Variants in EYS observed in about 807,000 individuals in gnomAD.
EYS encodes the protein EGF-like photoreceptor maintenance factor.
EYS carries 250 observed loss-of-function variants against 282.1 expected under a neutral mutation model. That is an observed-to-expected ratio of 0.89 (90% confidence interval 0.80 to 0.98). The LOEUF is 0.98. Ranked by LOEUF, EYS falls within the 50% of genes least tolerant of loss-of-function variation. EYS has a pLI of 0.00. For synonymous variants in EYS, 1,355 were observed against 1,282.9 expected (o/e 1.06, Z -1.20); for missense variants, 4,016 against 3,709.0 (o/e 1.08, Z -2.15).
intron 22 of EYS, among the ~76,000 whole-genome samples, chr6:64,812,633 A>G (rs1764632124): frequency 6.6e-6 from 1 of 152,068 alleles, no homozygotes; most frequent in Admixed American, 6.6e-5. Context: ...CTATATATCA[A>G]GATATACATG....
chr6:65,139,886 A>G (rs1347097974), intron 12 of EYS, among the ~76,000 whole-genome samples: 1 of 152,082 alleles, frequency 6.6e-6, no homozygotes, highest in Non-Finnish European at 1.5e-5. Context: ...ACCTGGAGCT[A>G]CTGACTCAGG....
chr6:64,608,055 AC>A (rs142866878), intron 24 of EYS, among the ~76,000 whole-genome samples: 15,031 of 152,160 alleles, frequency 0.099, 915 homozygotes, highest in Non-Finnish European at 0.13. Flanking sequence ...ATTTTAAATC[AC>A]TCTAAATATT....
chr6:64,764,049 GC>G (rs1252298012), intron 22 of EYS, among the ~76,000 whole-genome samples: 1 of 152,176 alleles, frequency 6.6e-6, no homozygotes, highest in African/African-American at 2.4e-5. Context: ...AGGGCCGGAG[GC>G]TTTTCCAGGC....
chr6:64,938,429 C>A (rs1266011825), intron 15 of EYS, among the ~76,000 whole-genome samples: 2 of 151,522 alleles, frequency 1.3e-5, no homozygotes, highest in Non-Finnish European at 3.0e-5. Context: ...TGTTGTTAAT[C>A]TCTTAATGTG....
intron 26 of EYS, among the ~76,000 whole-genome samples, chr6:64,556,919 T>C (rs1436771455): frequency 6.6e-6 from 1 of 151,870 alleles, no homozygotes; most frequent in African/African-American, 2.4e-5. Context: ...TCAATATGAC[T>C]GTTAACAAAG....
intron 12 of EYS, among the ~76,000 whole-genome samples, chr6:65,219,631 A>AAATG (rs1766408623): frequency 6.6e-6 from 1 of 152,146 alleles, no homozygotes; most frequent in African/African-American, 2.4e-5. Context: ...AATTCCAGTG[A>AAATG]AATGAAATAG....
intron 34 of EYS, among the ~76,000 whole-genome samples, chr6:63,990,969 T>G (rs1767578637): frequency 1.3e-5 from 2 of 151,650 alleles, no homozygotes; most frequent in South Asian, 4.2e-4. Context: ...TACAAGAGAC[T>G]AATATCTATC....
At chr6:64,836,480 G>A (rs574854755) in intron 19 of EYS, among the ~76,000 whole-genome samples, 29 of 151,244 alleles carry the variant, frequency 1.9e-4, no homozygotes, top group Non-Finnish European at 4.0e-4. Context: ...ATTTATGCAG[G>A]GAAATATTTT....
intron 13 of EYS, among the ~76,000 whole-genome samples, chr6:65,040,198 C>A (rs1432847127): frequency 1.3e-5 from 2 of 151,770 alleles, no homozygotes; most frequent in Non-Finnish European, 3.0e-5. Context: ...GTTGTGAAAA[C>A]AACAAAAATT....
intron 30 of EYS, among the ~76,000 whole-genome samples, chr6:64,269,152 A>AG (rs1184121933): frequency 1.3e-5 from 2 of 152,116 alleles, no homozygotes; most frequent in African/African-American, 4.8e-5. Context: ...CAATGGCATC[A>AG]GGGTCAGGAA....
intron 2 of EYS, among the ~76,000 whole-genome samples, chr6:65,499,544 C>A (rs924789683): frequency 3.3e-5 from 5 of 151,886 alleles, no homozygotes; most frequent in African/African-American, 1.2e-4. Flanking sequence ...ATAAATTATA[C>A]ATTGTACTTT....
intron 5 of EYS, among the ~76,000 whole-genome samples, chr6:65,468,693 G>A (rs945265737): frequency 2.1e-5 from 3 of 144,058 alleles, no homozygotes; most frequent in African/African-American, 7.3e-5. Context: ...CATATACCTT[G>A]ATATACCTAT....
intron 4 of EYS, among the ~76,000 whole-genome samples, chr6:65,491,853 C>A (rs774572477): frequency 6.6e-6 from 1 of 152,034 alleles, no homozygotes; most frequent in Admixed American, 6.6e-5. Context: ...TAAATAAGGT[C>A]AGTAGGGTGC....
At chr6:64,581,157 G>T (rs1264848138) in intron 26 of EYS, among the ~76,000 whole-genome samples, 1 of 152,088 alleles carries the variant, frequency 6.6e-6, no homozygotes, top group Non-Finnish European at 1.5e-5. Flanking sequence ...ATTGACTAAA[G>T]AATTAAAGAT....
At chr6:63,988,689 C>G (rs1767477949) in intron 34 of EYS, among the ~76,000 whole-genome samples, 1 of 151,448 alleles carries the variant, frequency 6.6e-6, no homozygotes, top group African/African-American at 2.4e-5. Flanking sequence ...TAAAATCTGA[C>G]ATCAAGATAT....
At chr6:64,619,135 T>A (rs971991618) in intron 23 of EYS, among the ~76,000 whole-genome samples, 2 of 152,194 alleles carry the variant, frequency 1.3e-5, no homozygotes, top group African/African-American at 4.8e-5. Flanking sequence ...TTATTGCTAA[T>A]ATTCTATTTC....
chr6:65,366,383 G>A (rs561286420), intron 8 of EYS, among the ~76,000 whole-genome samples: 2 of 149,056 alleles, frequency 1.3e-5, no homozygotes, highest in African/African-American at 4.9e-5. Flanking sequence ...GCTGCTTTTG[G>A]TTTTTCCTGA....
At chr6:65,275,317 A>G (rs1025001824) in intron 12 of EYS, among the ~76,000 whole-genome samples, 4 of 152,236 alleles carry the variant, frequency 2.6e-5, no homozygotes, top group Non-Finnish European at 5.9e-5. Context: ...TAATTCAACC[A>G]TGTGACCTGA....
intron 5 of EYS, among the ~76,000 whole-genome samples, chr6:65,468,463 A>G (rs1386090350): frequency 1.3e-5 from 2 of 152,150 alleles, no homozygotes; most frequent in African/African-American, 2.4e-5. Flanking sequence ...GACTTACAAC[A>G]TAACAGCCAG....
Sources: gnomAD v4.1 joint callset for allele counts (sites outside exome capture counted in the v4.1 genomes callset) on GRCh38, gnomAD v4.1.1 for gene constraint, MANE v1.5 for transcripts, NCBI Gene and HGNC (gene_info 2026-07-23, HGNC 2026-07-21) for gene names.